PRIMPOL: variants seen among roughly 807,000 people sequenced by gnomAD.
PRIMPOL encodes DNA-directed primase/polymerase protein.
Under a neutral mutation model 63.6 loss-of-function variants are expected in PRIMPOL, and 54 were observed. That is an observed-to-expected ratio of 0.85 (90% confidence interval 0.68 to 1.07). The LOEUF (loss-of-function observed/expected upper bound fraction) is 1.07. Among genes scored for constraint, PRIMPOL ranks in the 50% least tolerant of loss-of-function variants. The pLI is 0.00. For missense variants in PRIMPOL, 610 were observed against 648.3 expected (o/e 0.94, Z 0.64); for synonymous variants, 197 against 220.2 (o/e 0.89, Z 0.93).
chr4:184,664,707 T>C (rs1749345382), intron 5 of PRIMPOL, among the ~76,000 whole-genome samples: 1 of 152,172 alleles, frequency 6.6e-6, no homozygotes, highest in Non-Finnish European at 1.5e-5. Flanking sequence ...GCCTGGGAAA[T>C]GTAGTCTTTG....
intron 11 of PRIMPOL, among the ~76,000 whole-genome samples, chr4:184,687,232 G>A (rs896466850): frequency 1.1e-4 from 17 of 151,964 alleles, no homozygotes; most frequent in African/African-American, 3.4e-4. Flanking sequence ...TACCATGCCC[G>A]GTTAATTTTT....
intron 4 of PRIMPOL, among the ~76,000 whole-genome samples, chr4:184,659,978 G>A (rs1325729935): frequency 6.6e-6 from 1 of 151,826 alleles, no homozygotes; most frequent in Non-Finnish European, 1.5e-5. Context: ...CCACCACCAT[G>A]CCTGGCTCAT....
chr4:184,654,903 G>C (rs1745870334), intron 2 of PRIMPOL, among the ~76,000 whole-genome samples: 1 of 152,012 alleles, frequency 6.6e-6, no homozygotes, highest in Non-Finnish European at 1.5e-5. Context: ...GTATAACTCT[G>C]AGAGAATATC....
intron 7 of PRIMPOL, among the ~76,000 whole-genome samples, chr4:184,676,843 A>C (rs1381345751): frequency 2.6e-3 from 1 of 388 alleles, no homozygotes; most frequent in Non-Finnish European, 4.5e-3. Context: ...CCCCTTTCCT[A>C]CCCCATTCTT....
At chr4:184,650,774 C>T (rs1001673156) in intron 1 of PRIMPOL, among the ~76,000 whole-genome samples, 5 of 152,304 alleles carry the variant, frequency 3.3e-5, no homozygotes, top group African/African-American at 1.2e-4. Flanking sequence ...GATTCAGGGA[C>T]CCCATGGCAG....
At chr4:184,662,957 TTAAAAA>T (rs955817260) in intron 5 of PRIMPOL, among the ~76,000 whole-genome samples, 3 of 150,384 alleles carry the variant, frequency 2.0e-5, no homozygotes, top group African/African-American at 7.3e-5. Context: ...CATTGAACCC[TTAAAAA>T]TAAATTTAGA....
intron 8 of PRIMPOL, among the ~76,000 whole-genome samples, chr4:184,681,422 G>A (rs79906945): frequency 0.029 from 4,416 of 152,108 alleles, 220 homozygotes; most frequent in African/African-American, 0.1. Context: ...CTATTTTCAC[G>A]TAACCCACAC....
At chr4:184,670,701 C>A (rs1387288311) in intron 6 of PRIMPOL, among the ~76,000 whole-genome samples, 1 of 152,070 alleles carries the variant, frequency 6.6e-6, no homozygotes, top group Admixed American at 6.6e-5. Flanking sequence ...GTGCCCAGCA[C>A]CACACCTGGC....
intron 13 of PRIMPOL, among the ~76,000 whole-genome samples, chr4:184,691,967 CAT>C (rs1424380271): frequency 6.6e-6 from 1 of 150,570 alleles, no homozygotes; most frequent in African/African-American, 2.4e-5. Flanking sequence ...AGAAGTTTCC[CAT>C]ATTTTGCTTT....
intron 8 of PRIMPOL, among the ~76,000 whole-genome samples, chr4:184,678,891 G>A (rs571307836): frequency 9.3e-4 from 141 of 152,124 alleles, no homozygotes; most frequent in South Asian, 3.1e-3. Flanking sequence ...ATAGTAAAAC[G>A]TATATTTGAA....
chr4:184,664,543 A>G (rs1162859521), intron 5 of PRIMPOL, among the ~76,000 whole-genome samples: 1 of 152,240 alleles, frequency 6.6e-6, no homozygotes, highest in African/African-American at 2.4e-5. Context: ...CCATTGTCCA[A>G]GATGGCTCAT....
intron 6 of PRIMPOL, among the ~76,000 whole-genome samples, chr4:184,669,528 T>A (rs775624291): frequency 6.6e-6 from 1 of 152,218 alleles, no homozygotes; most frequent in Non-Finnish European, 1.5e-5. Context: ...GCTCCATGGC[T>A]ACTAGCCACA....
intron 8 of PRIMPOL, among the ~76,000 whole-genome samples, chr4:184,680,727 T>C (rs184763653): frequency 2.6e-5 from 4 of 152,174 alleles, no homozygotes; most frequent in Admixed American, 2.0e-4. Flanking sequence ...CTAACACCTA[T>C]CTTACGGAGT....
At chr4:184,665,447 A>G (rs1339400677) in intron 5 of PRIMPOL, among the ~76,000 whole-genome samples, 1 of 152,038 alleles carries the variant, frequency 6.6e-6, no homozygotes, top group Non-Finnish European at 1.5e-5. Flanking sequence ...GTCAGGCTCA[A>G]TATGAACTAG....
intron 6 of PRIMPOL, 23 bp downstream of exon 6, chr4:184,666,087 A>G (rs1749803415): frequency 1.3e-6 from 2 of 1,558,306 alleles, no homozygotes; most frequent in African/African-American, 1.4e-5. Context: ...CTTTTTAAAA[A>G]TCATGGAGTT....
At chr4:184,654,576 G>T (rs2150024521) in intron 2 of PRIMPOL, among the ~76,000 whole-genome samples, 1 of 151,004 alleles carries the variant, frequency 6.6e-6, no homozygotes, top group Admixed American at 6.6e-5. Context: ...TCAGCCTCCT[G>T]AGTAGCTGGG....
At chr4:184,682,505 G>A (rs1475982866) in intron 9 of PRIMPOL, among the ~76,000 whole-genome samples, 169 bp downstream of exon 9, 6 of 151,692 alleles carry the variant, frequency 4.0e-5, no homozygotes, top group Non-Finnish European at 5.9e-5. Context: ...GCACCATCAC[G>A]CCCAGATAAT....
At chr4:184,692,068 A>AT (rs1295363936) in intron 13 of PRIMPOL, among the ~76,000 whole-genome samples, 3 of 152,198 alleles carry the variant, frequency 2.0e-5, no homozygotes, top group East Asian at 3.8e-4. Flanking sequence ...GTCAAAGGGC[A>AT]TATTCAGTTT....
At chr4:184,675,537 G>A (rs976321019) in intron 7 of PRIMPOL, among the ~76,000 whole-genome samples, 3 of 151,964 alleles carry the variant, frequency 2.0e-5, no homozygotes, top group Non-Finnish European at 4.4e-5. Context: ...TATCCTTATT[G>A]AAAAAAATTT....
Sources: gnomAD v4.1 joint callset for allele counts (sites outside exome capture counted in the v4.1 genomes callset) on GRCh38, gnomAD v4.1.1 for gene constraint, MANE v1.5 for transcripts, NCBI Gene and HGNC (gene_info 2026-07-23, HGNC 2026-07-21) for gene names.